The following MFHAS1 variants were observed in gnomAD, a reference collection of about 807,000 sequenced individuals.
MFHAS1 encodes the protein multifunctional ROCO family signaling regulator 1, also known as malignant fibrous histiocytoma-amplified sequence 1.
MFHAS1 carries 50 observed loss-of-function variants against 70.4 expected under a neutral mutation model. The observed-to-expected ratio is 0.71, with a 90% CI of 0.57 to 0.90. The LOEUF (loss-of-function observed/expected upper bound fraction) is 0.90, where lower values mean the gene tolerates loss of function less well. Among genes scored for constraint, MFHAS1 ranks in the 40% least tolerant of loss-of-function variants. The pLI is 0.00. For missense variants in MFHAS1, 1,795 were observed against 1,347.6 expected, an observed-to-expected ratio of 1.33 and a Z score of -5.20; for synonymous variants, 952 against 620.0, an observed-to-expected ratio of 1.54 and a Z score of -7.96.
At chr8:8,805,761 G>C (rs1177997865) in intron 1 of MFHAS1, among the ~76,000 whole-genome samples, 1 of 152,132 alleles carries the variant, frequency 6.6e-6, no homozygotes, top group Admixed American at 6.6e-5. Context: ...GCAGTGGCAT[G>C]ATCTTGGCTC....
intron 1 of MFHAS1, among the ~76,000 whole-genome samples, chr8:8,854,468 C>G (rs559997575): frequency 6.6e-6 from 1 of 151,940 alleles, no homozygotes; most frequent in Admixed American, 6.5e-5. Flanking sequence ...TTGCAGTGAG[C>G]TGAGATCGCA....
chr8:8,859,159 C>A (rs1458596690), intron 1 of MFHAS1, among the ~76,000 whole-genome samples: 1 of 152,182 alleles, frequency 6.6e-6, no homozygotes, highest in Non-Finnish European at 1.5e-5. Flanking sequence ...TCGAGACCAG[C>A]CTGGCCAACA....
intron 2 of MFHAS1, among the ~76,000 whole-genome samples, chr8:8,787,561 G>A (rs535483625): frequency 2.0e-5 from 3 of 152,312 alleles, no homozygotes; most frequent in African/African-American, 7.2e-5. Context: ...ACTCTGCCAC[G>A]AGAATTTTTT....
chr8:8,845,417 C>G (rs530696121), intron 1 of MFHAS1, among the ~76,000 whole-genome samples: 1 of 152,148 alleles, frequency 6.6e-6, no homozygotes, highest in Non-Finnish European at 1.5e-5. Context: ...GTAGTGAAAC[C>G]CAAGCCTGGG....
chr8:8,862,317 T>C (rs1323220038), intron 1 of MFHAS1, among the ~76,000 whole-genome samples: 2 of 151,872 alleles, frequency 1.3e-5, no homozygotes, highest in African/African-American at 4.9e-5. Context: ...GCTATTCATG[T>C]ATCATATTTT....
At chr8:8,864,334 C>G (rs763822303) in intron 1 of MFHAS1, among the ~76,000 whole-genome samples, 4 of 152,252 alleles carry the variant, frequency 2.6e-5, no homozygotes, top group Admixed American at 6.5e-5. Flanking sequence ...CTGCACGATT[C>G]AAGGATGCCA....
chr8:8,868,427 T>C (rs1417544123), intron 1 of MFHAS1, among the ~76,000 whole-genome samples: 7 of 150,658 alleles, frequency 4.6e-5, no homozygotes, highest in Non-Finnish European at 8.9e-5. Flanking sequence ...AGCCTCAACT[T>C]TTTTAAACTG....
intron 1 of MFHAS1, among the ~76,000 whole-genome samples, chr8:8,802,125 GT>G (rs1312196497): frequency 6.6e-6 from 1 of 152,170 alleles, no homozygotes; most frequent in African/African-American, 2.4e-5. Flanking sequence ...GCTTAATGTT[GT>G]TTATGTACCA....
chr8:8,786,629 G>C (rs1232042685), intron 2 of MFHAS1, among the ~76,000 whole-genome samples: 2 of 151,338 alleles, frequency 1.3e-5, no homozygotes, highest in African/African-American at 4.8e-5. Context: ...AAAATGGTTA[G>C]AGGAAAAAAT....
At chr8:8,879,615 T>C (rs73192206) in intron 1 of MFHAS1, among the ~76,000 whole-genome samples, 41,558 of 151,928 alleles carry the variant, frequency 0.27, 6,209 homozygotes, top group South Asian at 0.36. Flanking sequence ...AGGATCACAT[T>C]TTTTTTCTGG....
At chr8:8,798,975 A>G (rs7837843) in intron 1 of MFHAS1, among the ~76,000 whole-genome samples, 52,464 of 151,604 alleles carry the variant, frequency 0.35, 10,351 homozygotes, top group African/African-American at 0.54. Flanking sequence ...TTGAACCCGG[A>G]AGGCAGAGGT....
chr8:8,834,393 C>T (rs1464691543), intron 1 of MFHAS1, among the ~76,000 whole-genome samples: 2 of 152,240 alleles, frequency 1.3e-5, no homozygotes, highest in Non-Finnish European at 2.9e-5. Flanking sequence ...TACTCATTCA[C>T]TGACTCACCC....
chr8:8,891,396 G>T lies in MFHAS1; in HGVS notation c.1663C>A (p.His555Asn). Residue 555 changes from histidine (H) to asparagine (N), a missense_variant, in exon 1 of 3, where the codon CAC becomes AAC. Physicochemically the swap from His to Asn is moderately conservative, Grantham distance 68. Coordinates refer to ENST00000276282, the MANE Select transcript of MFHAS1 (RefSeq NM_004225.3). This position sits in a 1 kb window ranked among gnomAD's most constrained non-coding sequence, Gnocchi z 5.4. ...TTCTCCTGCAGGGCGATCTGGCGGT[G>T]AATGTCCAGACATTTCTCCTCCAGC... ...RELEEKCLDI[H>N]RQIALQEKHD... is the part of the protein sequence containing the mutation. 6.2e-7 allele frequency: 1 copy of T among 1,612,332 alleles called. No individual in the cohort carries two copies.
intron 1 of MFHAS1, among the ~76,000 whole-genome samples, chr8:8,816,026 A>C (rs1178358869): frequency 6.6e-6 from 1 of 152,218 alleles, no homozygotes; most frequent in Admixed American, 6.5e-5. Context: ...CCTGGGAATA[A>C]CTATGTTGAG....
chr8:8,877,316 A>AAAAAAC (rs1809336391), intron 1 of MFHAS1, among the ~76,000 whole-genome samples: 4 of 151,286 alleles, frequency 2.6e-5, no homozygotes, highest in African/African-American at 9.7e-5. Flanking sequence ...AAAAAAAAAA[A>AAAAAAC]AAAACTACGG....
At chr8:8,843,037 G>A (rs7016875) in intron 1 of MFHAS1, among the ~76,000 whole-genome samples, 1,946 of 151,560 alleles carry the variant, frequency 0.013, 42 homozygotes, top group African/African-American at 0.045. Flanking sequence ...AGGCCGAGGC[G>A]GGTGGATCAT....
chr8:8,825,829 G>A (rs146602666), intron 1 of MFHAS1, among the ~76,000 whole-genome samples: 1 of 152,170 alleles, frequency 6.6e-6, no homozygotes, highest in Non-Finnish European at 1.5e-5. Flanking sequence ...TTAAAATCCT[G>A]GATGTCTTTT....
chr8:8,834,068 G>C (rs1265307491), intron 1 of MFHAS1, among the ~76,000 whole-genome samples: 2 of 152,098 alleles, frequency 1.3e-5, no homozygotes, highest in Non-Finnish European at 2.9e-5. Context: ...GGAGGCTGCA[G>C]TGAGCCAAGA....
rs765592110 is a variant in MFHAS1 at position 8,891,362 on chromosome 8, G to T, written c.1697C>A (p.Ala566Glu). Residue 566 changes from alanine (A) to glutamate (E), a missense_variant, in exon 1 of 3, where the codon GCG becomes GAG. Physicochemically the swap from Ala to Glu is moderately radical, Grantham distance 107. Coordinates refer to ENST00000276282, the MANE Select transcript of MFHAS1 (RefSeq NM_004225.3). This position sits in a 1 kb window ranked among gnomAD's most constrained non-coding sequence, Gnocchi z 5.4. ...RQIALQEKHDAEGLSRLAKVV... is the reference protein window; with the variant it reads ...RQIALQEKHDEEGLSRLAKVV... ...CTTGGCCAAGCGGCTCAGTCCCTCC[G>T]CGTCGTGCTTCTCCTGCAGGGCGAT... 2 of 1,611,210 alleles carry T rather than the reference G, an allele frequency of 1.2e-6. No homozygotes were observed. The highest frequency in any genetic ancestry group is 1.7e-6 in the Non-Finnish European group (2 of 1,180,028).
Sources: allele counts gnomAD v4.1 joint callset (sites outside exome capture counted in the v4.1 genomes callset), GRCh38; gene constraint gnomAD v4.1.1; non-coding constraint Gnocchi (gnomAD v3.1); transcripts MANE v1.5; gene names NCBI Gene and HGNC (gene_info 2026-07-23, HGNC 2026-07-21).